Variants in TPD52L1 observed in about 807,000 individuals in gnomAD.
The protein encoded by TPD52L1 is TPD52 like 1.
TPD52L1 carries 18 observed loss-of-function variants against 28.7 expected under a neutral mutation model. That is an observed-to-expected ratio of 0.63 (90% CI 0.43 to 0.93). TPD52L1 has a LOEUF of 0.93. TPD52L1 is among the 40% of genes least tolerant of loss of function. The pLI, the probability that TPD52L1 is intolerant of heterozygous loss-of-function variation, is 0.00. For synonymous variants in TPD52L1, 75 were observed against 88.8 expected, an observed-to-expected ratio of 0.84 and a Z score of 0.88; for missense variants, 203 against 254.8, an observed-to-expected ratio of 0.80 and a Z score of 1.39.
intron 1 of TPD52L1, among the ~76,000 whole-genome samples, chr6:125,178,242 G>A (rs1411867672): frequency 6.6e-6 from 1 of 152,112 alleles, no homozygotes; most frequent in African/African-American, 2.4e-5. Context: ...CTAGGCTCTA[G>A]ATAAACATTA....
In TPD52L1 at chr6:125,185,516, A is replaced by G. The variant is rs142854046; in HGVS notation, c.19+31546A>G. ...ATTTTAACAACTTGGAAATTAAGAAACACACTTGGGACAAAGATAAAATCA... is the reference window on the plus strand; with the variant it reads ...ATTTTAACAACTTGGAAATTAAGAAGCACACTTGGGACAAAGATAAAATCA... On this transcript the variant is annotated intron_variant, in intron 1 of 6. Coordinates refer to ENST00000534000, the MANE Select transcript of TPD52L1 (RefSeq NM_003287.4). Among the ~76,000 whole-genome samples, 718 of 152,252 alleles carry G rather than the reference A, an allele frequency of 4.7e-3. 4 individuals carry two copies. Among genetic ancestry groups the G allele is most frequent in the African/African-American group, 0.016 (677 of 41,558 alleles).
intron 3 of TPD52L1, among the ~76,000 whole-genome samples, chr6:125,247,602 TTGAG>T (rs1402330320): frequency 6.6e-6 from 1 of 152,188 alleles, no homozygotes; most frequent in African/African-American, 2.4e-5. Context: ...CTACTATTTA[TTGAG>T]TTTCTTCTTT....
intron 1 of TPD52L1, among the ~76,000 whole-genome samples, chr6:125,176,453 A>G (rs1001099604): frequency 2.0e-5 from 3 of 152,158 alleles, no homozygotes; most frequent in Non-Finnish European, 2.9e-5. Flanking sequence ...CTTTCAATGG[A>G]GAGTATTTTT....
At chr6:125,252,051 G>T in intron 4 of TPD52L1, 1 of 1,536,078 alleles carries the variant, frequency 6.5e-7, no homozygotes, top group South Asian at 1.2e-5. Flanking sequence ...GCGCCACAGG[G>T]CTGCGTGTGG....
intron 1 of TPD52L1, among the ~76,000 whole-genome samples, chr6:125,167,201 T>A (rs1391968535): frequency 1.3e-4 from 19 of 151,996 alleles, no homozygotes; most frequent in Admixed American, 1.2e-3. Context: ...GAGGTGTTTG[T>A]CCCACTGCAC....
Position 125,170,802 on chromosome 6 carries a change from C to T in TPD52L1, c.19+16832C>T, listed in dbSNP as rs370888290. On this transcript the variant is annotated intron_variant, in intron 1 of 6. Coordinates refer to ENST00000534000, the MANE Select transcript of TPD52L1 (RefSeq NM_003287.4). ...GAGCCTTTGGTTTTAGAGAGCCCCA[C>T]TTTAGCCCTCTTCTAGCTGAGCCTT... is the stretch of plus-strand genomic sequence containing the variant. Among the ~76,000 whole-genome samples the T allele has an allele frequency of 2.2e-4, 33 of 152,266 alleles. 1 individual carries two copies. The South Asian group carries it at 6.0e-3, about 28-fold the overall frequency.
intron 1 of TPD52L1, among the ~76,000 whole-genome samples, chr6:125,172,082 CTT>C (rs1208637211): frequency 1.6e-5 from 2 of 127,878 alleles, no homozygotes; most frequent in Admixed American, 7.5e-5. Flanking sequence ...CTTTCTTTCT[CTT>C]TCTTTCTTTC....
intron 1 of TPD52L1, among the ~76,000 whole-genome samples, chr6:125,166,657 G>A (rs1004314786): frequency 6.6e-6 from 1 of 151,920 alleles, no homozygotes; most frequent in Non-Finnish European, 1.5e-5. Context: ...TTGCACAAGG[G>A]TGTCATAGAA....
At chr6:125,222,990 G>A (rs576258884) in intron 2 of TPD52L1, among the ~76,000 whole-genome samples, 1 of 151,612 alleles carries the variant, frequency 6.6e-6, no homozygotes, top group Non-Finnish European at 1.5e-5. Flanking sequence ...TTTGTTTTCT[G>A]CCTGTGTAAA....
chr6:125,182,820 G>T (rs1792299687), intron 1 of TPD52L1, among the ~76,000 whole-genome samples: 1 of 152,182 alleles, frequency 6.6e-6, no homozygotes. Flanking sequence ...GTAAACAGAG[G>T]CCCAGGGAAC....
intron 1 of TPD52L1, among the ~76,000 whole-genome samples, chr6:125,168,208 T>G (rs1791033017): frequency 1.3e-5 from 2 of 152,180 alleles, no homozygotes; most frequent in Non-Finnish European, 2.9e-5. Flanking sequence ...GACCTAGGAA[T>G]TCACAACATA....
rs567675381 is a variant in TPD52L1 at position 125,184,238 on chromosome 6, A to G, written c.19+30268A>G. On this transcript the variant is annotated intron_variant, in intron 1 of 6. Coordinates refer to ENST00000534000, the MANE Select transcript of TPD52L1 (RefSeq NM_003287.4). Reference sequence around the variant, plus strand: ...TTAGGATCAGGAAGGCACTGCCATCAGGACCTGCCTCGGCACCAAGCAGTG... The same window carrying G: ...TTAGGATCAGGAAGGCACTGCCATCGGGACCTGCCTCGGCACCAAGCAGTG... Among the ~76,000 whole-genome samples, 7 of 152,354 alleles carry G rather than the reference A, an allele frequency of 4.6e-5. No homozygotes were observed. The East Asian group carries it at 5.8e-4, about 13-fold the overall frequency.
chr6:125,220,291 ATGT>A (rs1008641705), intron 2 of TPD52L1, 98 bp downstream of exon 2: 6 of 757,852 alleles, frequency 7.9e-6, no homozygotes, highest in African/African-American at 5.3e-5. Context: ...TATTGTAATG[ATGT>A]TGTCTTTCAT....
chr6:125,177,798 C>A (rs371136825), intron 1 of TPD52L1, among the ~76,000 whole-genome samples: 108 of 151,956 alleles, frequency 7.1e-4, no homozygotes, highest in African/African-American at 2.4e-3. Flanking sequence ...ACTTTTAAAG[C>A]GACTTTGATA....
intron 1 of TPD52L1, among the ~76,000 whole-genome samples, chr6:125,201,577 C>A (rs184528990): frequency 6.6e-6 from 1 of 152,182 alleles, no homozygotes; most frequent in African/African-American, 2.4e-5. Context: ...AGTGCAAAAG[C>A]CAACAATGTG....
intron 1 of TPD52L1, among the ~76,000 whole-genome samples, chr6:125,163,959 A>T (rs1033587417): frequency 2.6e-5 from 4 of 152,126 alleles, no homozygotes; most frequent in South Asian, 2.1e-4. Flanking sequence ...ACCAATAATA[A>T]TAACAAACTC....
chr6:125,171,094 C>T (rs926820841), intron 1 of TPD52L1, among the ~76,000 whole-genome samples: 3 of 152,140 alleles, frequency 2.0e-5, no homozygotes, highest in East Asian at 1.9e-4. Context: ...TGTGATTCCT[C>T]GACCAGCATC....
At chr6:125,172,322 GTCTT>G (rs1380540719) in intron 1 of TPD52L1, among the ~76,000 whole-genome samples, 8 of 134,806 alleles carry the variant, frequency 5.9e-5, no homozygotes, top group Non-Finnish European at 9.3e-5. Context: ...CTTAGACAGA[GTCTT>G]TCTCGTCACC....
chr6:125,205,441 A>C (rs538883512), intron 1 of TPD52L1, among the ~76,000 whole-genome samples: 1 of 152,272 alleles, frequency 6.6e-6, no homozygotes, highest in East Asian at 1.9e-4. Flanking sequence ...CACAGCTTCC[A>C]GTGCCTTCAA....
Sources: allele counts gnomAD v4.1 joint callset (sites outside exome capture counted in the v4.1 genomes callset), GRCh38; gene constraint gnomAD v4.1.1; transcripts MANE v1.5; gene names NCBI Gene and HGNC (gene_info 2026-07-23, HGNC 2026-07-21).